The following PDZD8 variants were observed in gnomAD, a reference collection of about 807,000 sequenced individuals.
PDZD8 encodes the protein PDZ domain-containing protein 8.
A neutral mutation model predicts 85.8 loss-of-function variants in PDZD8; 14 were observed. The observed-to-expected ratio is 0.16, with a 90% confidence interval of 0.11 to 0.26. PDZD8 has a LOEUF of 0.26. PDZD8 is among the 10% of genes least tolerant of loss of function. PDZD8 has a pLI of 1.00. For synonymous variants in PDZD8, 592 were observed against 568.6 expected (o/e 1.04, Z -0.59); for missense variants, 1,197 against 1,424.3 (o/e 0.84, Z 2.57).
intron 3 of PDZD8, among the ~76,000 whole-genome samples, chr10:117,302,134 C>T (rs1843858124): frequency 6.6e-6 from 1 of 152,226 alleles, no homozygotes; most frequent in Non-Finnish European, 1.5e-5. Context: ...ATCTAATTTA[C>T]TTCTAAGCCA....
intron 4 of PDZD8, among the ~76,000 whole-genome samples, chr10:117,286,773 C>T (rs953756948): frequency 6.6e-6 from 1 of 152,158 alleles, no homozygotes; most frequent in Non-Finnish European, 1.5e-5. Flanking sequence ...GATGTTCTTA[C>T]CAATATTTTA....
chr10:117,366,945 C>T (rs1182831909), intron 1 of PDZD8, among the ~76,000 whole-genome samples: 1 of 152,184 alleles, frequency 6.6e-6, no homozygotes, highest in African/African-American at 2.4e-5. Flanking sequence ...GTTTTATTAG[C>T]CCCACCCTGC....
chr10:117,342,089 C>G (rs1259911254), intron 1 of PDZD8, among the ~76,000 whole-genome samples: 1 of 152,152 alleles, frequency 6.6e-6, no homozygotes, highest in Non-Finnish European at 1.5e-5. Context: ...TCAAGCTAGT[C>G]TAATTCCAAA....
chr10:117,304,786 T>C (rs1309313904), intron 3 of PDZD8, among the ~76,000 whole-genome samples: 4 of 152,198 alleles, frequency 2.6e-5, no homozygotes, highest in African/African-American at 7.2e-5. Flanking sequence ...ATGTAAGAAG[T>C]GTCTTTTGCC....
intron 4 of PDZD8, among the ~76,000 whole-genome samples, chr10:117,286,167 T>C (rs1191694780): frequency 2.6e-5 from 4 of 152,192 alleles, no homozygotes; most frequent in African/African-American, 9.7e-5. Context: ...TTACACGTAG[T>C]TTAAAATTTG....
intron 1 of PDZD8, among the ~76,000 whole-genome samples, chr10:117,368,965 C>T (rs982040329): frequency 1.4e-5 from 2 of 146,748 alleles, no homozygotes; most frequent in African/African-American, 5.0e-5. Flanking sequence ...AAGCAATTCT[C>T]ATGCCTCAGC....
At chr10:117,316,641 G>C (rs1455588451) in intron 3 of PDZD8, among the ~76,000 whole-genome samples, 2 of 152,200 alleles carry the variant, frequency 1.3e-5, no homozygotes, top group Non-Finnish European at 2.9e-5. Flanking sequence ...AGTAAGCCAT[G>C]ATTGTGCCAC....
chr10:117,306,472 C>T (rs140693822), intron 3 of PDZD8, among the ~76,000 whole-genome samples: 24 of 152,098 alleles, frequency 1.6e-4, no homozygotes, highest in African/African-American at 4.6e-4. Flanking sequence ...TATGCAAAGG[C>T]CGAGGTTGTC....
chr10:117,360,716 C>T (rs904897789), intron 1 of PDZD8, among the ~76,000 whole-genome samples: 10 of 151,586 alleles, frequency 6.6e-5, no homozygotes, highest in African/African-American at 2.2e-4. Context: ...AACCTTGTGT[C>T]TTACAATACC....
At chr10:117,324,799 G>C (rs192711715) in intron 2 of PDZD8, among the ~76,000 whole-genome samples, 2 of 152,038 alleles carry the variant, frequency 1.3e-5, no homozygotes, top group African/African-American at 4.8e-5. Flanking sequence ...TCAGTGTTTT[G>C]TTTTCCAGAT....
intron 1 of PDZD8, among the ~76,000 whole-genome samples, chr10:117,345,466 G>A (rs975941601): frequency 6.6e-6 from 1 of 152,160 alleles, no homozygotes; most frequent in African/African-American, 2.4e-5. Flanking sequence ...AAAGCAATAA[G>A]AGAGTTAACA....
chr10:117,314,818 C>A (rs1844096007), intron 3 of PDZD8, among the ~76,000 whole-genome samples: 1 of 152,120 alleles, frequency 6.6e-6, no homozygotes, highest in Non-Finnish European at 1.5e-5. Context: ...TATTTATATA[C>A]CAATATTGTT....
At chr10:117,305,736 C>A (rs1360852136) in intron 3 of PDZD8, among the ~76,000 whole-genome samples, 1 of 152,080 alleles carries the variant, frequency 6.6e-6, no homozygotes, top group Non-Finnish European at 1.5e-5. Flanking sequence ...TGTATAACGC[C>A]TAAATTTTCA....
At chr10:117,310,716 C>T (rs1389662126) in intron 3 of PDZD8, among the ~76,000 whole-genome samples, 1 of 152,110 alleles carries the variant, frequency 6.6e-6, no homozygotes, top group Non-Finnish European at 1.5e-5. Context: ...TTGAACTAAA[C>T]CTGAGTTTTC....
chr10:117,309,984 C>T (rs1464773412), intron 3 of PDZD8, among the ~76,000 whole-genome samples: 1 of 152,114 alleles, frequency 6.6e-6, no homozygotes, highest in Non-Finnish European at 1.5e-5. Flanking sequence ...TCCAGAGGTC[C>T]AACAGTCTTG....
chr10:117,345,158 C>T (rs552284729), intron 1 of PDZD8, among the ~76,000 whole-genome samples: 69 of 152,266 alleles, frequency 4.5e-4, no homozygotes, highest in African/African-American at 1.7e-3. Flanking sequence ...CCAATCTCTT[C>T]CCAAAGGAAT....
intron 3 of PDZD8, among the ~76,000 whole-genome samples, chr10:117,298,773 C>T (rs1010222571): frequency 1.1e-4 from 16 of 152,072 alleles, no homozygotes; most frequent in Admixed American, 6.6e-4. Context: ...ATAATGTTTA[C>T]GATATTGTGA....
intron 2 of PDZD8, among the ~76,000 whole-genome samples, chr10:117,336,616 T>A (rs947351520): frequency 2.7e-5 from 4 of 150,036 alleles, no homozygotes; most frequent in African/African-American, 9.8e-5. Context: ...GCTTGTTACA[T>A]CAGAAAGTAA....
In PDZD8 at chr10:117,375,377, CG is replaced by C; in HGVS notation, c.-151del. On this transcript the variant is annotated 5_prime_UTR_variant, in exon 1 of 5. Transcript: ENST00000334464. ...GGCCTCGTCCAGGGGCTCGGGCCGG[CG>C]CGCTGCGGCGCCCGAGCCCGCAGCG... is the stretch of plus-strand genomic sequence containing the variant. 1 of 441,578 alleles carries C rather than the reference CG, an allele frequency of 2.3e-6. No individual in the cohort carries two copies. The highest frequency in any genetic ancestry group is 3.6e-6 in the Non-Finnish European group (1 of 274,906). The allele number at this position is 441,578 out of a possible 1,614,324, so 27.4% of individuals were successfully genotyped here.
Sources: gnomAD v4.1 joint callset for allele counts (sites outside exome capture counted in the v4.1 genomes callset) on GRCh38, gnomAD v4.1.1 for gene constraint, MANE v1.5 for transcripts, NCBI Gene and HGNC (gene_info 2026-07-23, HGNC 2026-07-21) for gene names.